The following CNBD1 variants were observed in gnomAD, a reference collection of about 807,000 sequenced individuals.
CNBD1 encodes cyclic nucleotide-binding domain-containing protein 1.
CNBD1 carries 71 observed loss-of-function variants against 54.4 expected under a neutral mutation model. The ratio of observed to expected loss-of-function variants is 1.30; its 90% CI spans 1.08 to 1.59. CNBD1 has a LOEUF of 1.59. Ranked by LOEUF, CNBD1 falls within the 40% of genes most tolerant of loss-of-function variation. The pLI is 0.00. For missense variants in CNBD1, 659 were observed against 518.0 expected (o/e 1.27, Z -2.64); for synonymous variants, 182 against 170.7 (o/e 1.07, Z -0.51).
chr8:87,324,553 T>C (rs1404624473), intron 8 of CNBD1, among the ~76,000 whole-genome samples: 1 of 145,416 alleles, frequency 6.9e-6, no homozygotes, highest in African/African-American at 2.7e-5. Flanking sequence ...TGTCAAGGAA[T>C]GTATCCATTT....
chr8:87,057,826 G>T (rs1297257282), intron 4 of CNBD1, among the ~76,000 whole-genome samples: 1 of 151,964 alleles, frequency 6.6e-6, no homozygotes, highest in Admixed American at 6.6e-5. Flanking sequence ...TCCAGCCTGG[G>T]CAACAGCACA....
chr8:87,051,271 G>T (rs74855341), intron 4 of CNBD1, among the ~76,000 whole-genome samples: 3,812 of 152,206 alleles, frequency 0.025, 161 homozygotes, highest in African/African-American at 0.088. Flanking sequence ...CCAAAAGACT[G>T]GCTCCAGTGT....
At chr8:86,919,045 A>C (rs1809232035) in intron 3 of CNBD1, among the ~76,000 whole-genome samples, 1 of 151,954 alleles carries the variant, frequency 6.6e-6, no homozygotes, top group Non-Finnish European at 1.5e-5. Flanking sequence ...AAAAAGAGAA[A>C]GGCAATTGGA....
chr8:87,168,663 C>T (rs1329094819), intron 4 of CNBD1, among the ~76,000 whole-genome samples: 2 of 152,038 alleles, frequency 1.3e-5, no homozygotes, highest in East Asian at 1.9e-4. Flanking sequence ...TTAGCTCCCA[C>T]AAATAAGTGA....
intron 2 of CNBD1, among the ~76,000 whole-genome samples, chr8:87,408,717 C>T (rs1807690827): frequency 6.6e-6 from 1 of 152,084 alleles, no homozygotes; most frequent in Non-Finnish European, 1.5e-5. Flanking sequence ...AAAGTATATG[C>T]TAATTTTGTG....
At chr8:87,167,750 A>T (rs1341880263) in intron 4 of CNBD1, among the ~76,000 whole-genome samples, 1 of 151,994 alleles carries the variant, frequency 6.6e-6, no homozygotes, top group African/African-American at 2.4e-5. Context: ...CACTTGGATC[A>T]AAATATGGGA....
intron 2 of CNBD1, among the ~76,000 whole-genome samples, chr8:87,391,080 G>C (rs565051168): frequency 6.6e-5 from 10 of 151,682 alleles, no homozygotes; most frequent in Non-Finnish European, 1.0e-4. Flanking sequence ...ATCACACACC[G>C]GGGCCTGTTG....
intron 10 of CNBD1, among the ~76,000 whole-genome samples, chr8:87,359,609 C>T (rs1432196847): frequency 6.6e-6 from 1 of 152,018 alleles, no homozygotes; most frequent in Non-Finnish European, 1.5e-5. Flanking sequence ...TATTAATTTG[C>T]ATTTAATCTG....
chr8:87,019,617 C>T (rs2130574137), intron 4 of CNBD1, among the ~76,000 whole-genome samples: 1 of 152,314 alleles, frequency 6.6e-6, no homozygotes, highest in Admixed American at 6.5e-5. Flanking sequence ...GTGGCTCACA[C>T]TTGTCATCCC....
At chr8:87,178,849 G>T (rs187024007) in intron 4 of CNBD1, among the ~76,000 whole-genome samples, 1 of 152,272 alleles carries the variant, frequency 6.6e-6, no homozygotes, top group East Asian at 1.9e-4. Flanking sequence ...CTAGAACCAA[G>T]ATCTTGAACA....
intron 4 of CNBD1, among the ~76,000 whole-genome samples, chr8:87,024,267 T>C (rs1171511733): frequency 6.7e-6 from 1 of 148,670 alleles, no homozygotes; most frequent in Non-Finnish European, 1.5e-5. Context: ...AAAAAAAAGC[T>C]ATCCAGGAAT....
intron 4 of CNBD1, among the ~76,000 whole-genome samples, chr8:87,034,968 A>AT (rs912880140): frequency 2.6e-5 from 4 of 152,098 alleles, no homozygotes; most frequent in East Asian, 1.9e-4. Flanking sequence ...ATTTATGCGG[A>AT]TTTTTTAGTT....
chr8:87,418,580 A>T (rs772746289), intron 2 of CNBD1, among the ~76,000 whole-genome samples: 1 of 151,962 alleles, frequency 6.6e-6, no homozygotes, highest in Non-Finnish European at 1.5e-5. Context: ...GATGACCTAC[A>T]AAAAAGGAAA....
chr8:87,294,123 A>G (rs572312190), intron 8 of CNBD1, among the ~76,000 whole-genome samples: 3 of 152,308 alleles, frequency 2.0e-5, no homozygotes, highest in Admixed American at 6.5e-5. Flanking sequence ...GAGGTACTAG[A>G]AAACCAGAAC....
intron 8 of CNBD1, among the ~76,000 whole-genome samples, chr8:87,303,085 C>T (rs1337294657): frequency 6.6e-6 from 1 of 151,942 alleles, no homozygotes; most frequent in Non-Finnish European, 1.5e-5. Context: ...AGATTCAATG[C>T]TATCCCCATC....
intron 5 of CNBD1, among the ~76,000 whole-genome samples, chr8:87,216,237 A>G (rs932230257): frequency 2.0e-5 from 3 of 152,208 alleles, no homozygotes; most frequent in Non-Finnish European, 1.5e-5. Context: ...TTTGTTTAAT[A>G]TGAAAAGAGA....
intron 8 of CNBD1, among the ~76,000 whole-genome samples, chr8:87,306,124 T>C (rs1227146014): frequency 1.3e-5 from 2 of 152,114 alleles, no homozygotes; most frequent in Non-Finnish European, 2.9e-5. Flanking sequence ...AAAGAAGATA[T>C]ACAAATGTCC....
intron 3 of CNBD1, among the ~76,000 whole-genome samples, chr8:86,908,903 A>G (rs7016663): frequency 0.95 from 143,072 of 151,272 alleles, 67,742 homozygotes; most frequent in East Asian, 1. Context: ...GACTACAGGC[A>G]CCCGCCACTA....
chr8:87,258,492 C>G (rs1296824051), intron 6 of CNBD1, among the ~76,000 whole-genome samples: 2 of 151,556 alleles, frequency 1.3e-5, no homozygotes, highest in African/African-American at 2.4e-5. Context: ...GGTATGATCT[C>G]GACTCACTGC....
Sources: allele counts gnomAD v4.1 joint callset (sites outside exome capture counted in the v4.1 genomes callset), GRCh38; gene constraint gnomAD v4.1.1; transcripts MANE v1.5; gene names NCBI Gene and HGNC (gene_info 2026-07-23, HGNC 2026-07-21).